The following SLC22A31 variants were observed in gnomAD, a reference collection of about 807,000 sequenced individuals.
The protein encoded by SLC22A31 is solute carrier family 22 member 31, also known as putative solute carrier family 22 member 31.
In SLC22A31, 42 loss-of-function variants were observed where a neutral mutation model predicts 27.4. That is an observed-to-expected ratio of 1.53 (90% CI 1.20 to 1.98). The LOEUF (loss-of-function observed/expected upper bound fraction) is 1.98, where lower values mean the gene tolerates loss of function less well. Ranked by LOEUF, SLC22A31 falls within the 30% of genes most tolerant of loss-of-function variation. The pLI is 0.00. For missense variants in SLC22A31, 593 were observed against 479.9 expected, an observed-to-expected ratio of 1.24 and a Z score of -2.20; for synonymous variants, 290 against 230.8, an observed-to-expected ratio of 1.26 and a Z score of -2.33.
At position 89,199,714 on chromosome 16, in the gene SLC22A31, G is replaced by A. The variant is rs901265738; in HGVS notation, c.127C>T (p.Arg43Trp). The A allele has an allele frequency of 1.7e-5, 7 of 405,310 alleles. No homozygotes were observed. The highest frequency in any genetic ancestry group is 1.2e-4 in the South Asian group (1 of 8,562). The allele number at this position is 405,310 out of a possible 1,614,324, so 25.1% of individuals were successfully genotyped here. ...GCAGGAAAAGGGAAGGGGCCTCACCGGTCACAGCCTGCTCCCAGGATGACA... is the reference window on the plus strand; with the variant it reads ...GCAGGAAAAGGGAAGGGGCCTCACCAGTCACAGCCTGCTCCCAGGATGACA... ...GCVILGAGCD[R>W]FGRRAVFVAS... Residue 43 changes from arginine (R) to tryptophan (W), a missense_variant and splice_region_variant, in exon 2 of 9, where the codon CGG becomes TGG. Physicochemically the swap from Arg to Trp is moderately radical, Grantham distance 101. Transcript: ENST00000682282.
rs375072998 is a variant in SLC22A31 at position 89,199,041 on chromosome 16, A to G, written c.434T>C (p.Leu145Pro). The G allele has an allele frequency of 1.2e-5, 19 of 1,535,592 alleles. No homozygotes were observed. In the African/African-American group the frequency reaches 2.5e-4, roughly 20 times the overall value. Residue 145 changes from leucine to proline, a missense_variant, in exon 4 of 9, where the codon CTC (leucine) becomes CCC (proline). Physicochemically the swap from Leu to Pro is moderately conservative, Grantham distance 98. Coordinates refer to ENST00000682282, the MANE Select transcript of SLC22A31 (RefSeq NM_001384763.1). ...CACTTACCCCCAAAAGAGCAGCAAGAGTCCACTCATCAGGGCACCCAGCCC... is the reference window on the plus strand; with the variant it reads ...CACTTACCCCCAAAAGAGCAGCAAGGGTCCACTCATCAGGGCACCCAGCCC... ...LQGLGALMSGLLLLFWGFPAL... is the reference protein window; with the variant it reads ...LQGLGALMSGPLLLFWGFPAL...
chr16:89,199,924 ATCCC>A, intron 1 of SLC22A31, 108 bp from the exon 2 acceptor site: 6 of 399,812 alleles, frequency 1.5e-5, no homozygotes, highest in Non-Finnish European at 2.2e-5. Context: ...GTCCTGCTCA[ATCCC>A]TCCGTGGAGA....
Position 89,198,698 on chromosome 16 carries a change from G to A in SLC22A31, c.552C>T (p.Gly184=), listed in dbSNP as rs1916233827. The stretch of plus-strand genomic sequence containing the variant: ...CCAAGGAACTGTCCCCGGGGCCCAC[G>A]CCACTGGCTTCTGCAAAGCGCCACA... ...KILWRFAEAS[G]VGPGDSSLEE... The change falls in exon 5 of 9, where the codon GGC becomes GGT. Residue 184 remains glycine, a synonymous_variant. Transcript: ENST00000682282. 9.1e-6 allele frequency: 14 copies of A among 1,535,736 alleles called. No homozygotes were observed. The highest frequency in any genetic ancestry group is 2.0e-5 in the Admixed American group (1 of 50,992).
chr16:89,196,246 A>G lies in SLC22A31; in HGVS notation c.1094T>C (p.Leu365Pro). 6.5e-7 allele frequency: 1 copy of G among 1,533,734 alleles called. No individual in the cohort carries two copies. Among genetic ancestry groups the G allele is most frequent in the Non-Finnish European group, 8.7e-7 (1 of 1,146,260 alleles). Reference sequence around the variant, plus strand: ...GCCCTGCCGGCCGTGCAGGGTGTCCAGGGGGCCGGCTGCCTGGCCCAGGAA... The same window carrying G: ...GCCCTGCCGGCCGTGCAGGGTGTCCGGGGGGCCGGCTGCCTGGCCCAGGAA... ...AGFLGQAAGP[L>P]DTLHGRQGFF... The change falls in exon 9 of 9, where the codon CTG becomes CCG. Residue 365 changes from leucine to proline, a missense_variant. Transcript: ENST00000682282.
At chr16:89,201,319 T>C (rs924320416), upstream of SLC22A31, 3 of 342,838 alleles carry the variant, frequency 8.8e-6, no homozygotes, top group African/African-American at 6.5e-5. Flanking sequence ...GCCAGCCGCG[T>C]GTGCAGGGCC....
Position 89,195,763 on chromosome 16 carries a change from C to T in SLC22A31, c.*236G>A, listed in dbSNP as rs1157656557. ...GAAGAACCAGGGAGGACGCCAAGTT[C>T]CACAGAAGCCTTTATCCTCCACACC... On this transcript the variant is annotated 3_prime_UTR_variant, in exon 9 of 9. Transcript: ENST00000682282. 8.7e-6 allele frequency: 4 copies of T among 459,748 alleles called. No homozygotes were observed. The highest frequency in any genetic ancestry group is 1.5e-5 in the Non-Finnish European group (4 of 264,964). The allele number at this position is 459,748 out of a possible 1,614,324, so 28.5% of individuals were successfully genotyped here.
At chr16:89,201,516 C>G, upstream of SLC22A31, 1 of 397,530 alleles carries the variant, frequency 2.5e-6, no homozygotes, top group Non-Finnish European at 4.4e-6. Flanking sequence ...GTCCGGTCGG[C>G]AGTGGGGCGC....
Position 89,198,445 on chromosome 16 carries a change from C to A in SLC22A31, c.704G>T (p.Ser235Ile). The change falls in exon 6 of 9, where the codon AGC becomes ATC. Residue 235 changes from serine to isoleucine, a missense_variant. Coordinates refer to ENST00000682282, the MANE Select transcript of SLC22A31 (RefSeq NM_001384763.1). ...TWRNGLILGFSSLVGGGIRAS... is the reference protein window; with the variant it reads ...TWRNGLILGFISLVGGGIRAS... The stretch of plus-strand genomic sequence containing the variant: ...CCCCAGCCCTTCCTCGACTCACGAG[C>A]TGAAGCCCAAGATAAGCCCGTTTCT... 1 of 1,517,656 alleles carries A rather than the reference C, an allele frequency of 6.6e-7. No homozygotes were observed. Among genetic ancestry groups the A allele is most frequent in the Non-Finnish European group, 8.8e-7 (1 of 1,136,600 alleles). 94.0% of individuals were successfully genotyped at this position (1,517,656 alleles called of 1,614,324 possible).
At position 89,195,949 on chromosome 16, in the gene SLC22A31, C is replaced by T. The variant is rs1384977737; in HGVS notation, c.*50G>A. ...GACGTCTGGGGTACTCAGCCATGCC[C>T]CAGGCCTTGACTTTGGTCCCATCCT... On this transcript the variant is annotated 3_prime_UTR_variant, in exon 9 of 9. Coordinates refer to ENST00000682282, the MANE Select transcript of SLC22A31 (RefSeq NM_001384763.1). The T allele has an allele frequency of 6.9e-7, 1 of 1,449,822 alleles. No individual in the cohort carries two copies. The highest frequency in any genetic ancestry group is 2.5e-5 in the East Asian group (1 of 40,014). 89.8% of individuals were successfully genotyped at this position (1,449,822 alleles called of 1,614,324 possible).
At position 89,196,135 on chromosome 16, in the gene SLC22A31, C is replaced by T. The variant is rs1915870213; in HGVS notation, c.1205G>A (p.Gly402Glu). 7 of 1,534,886 alleles carry T rather than the reference C, an allele frequency of 4.6e-6. No homozygotes were observed. The highest frequency in any genetic ancestry group is 6.1e-6 in the Non-Finnish European group (7 of 1,146,514). Reference protein sequence around the residue: ...VLLLPESRSRGLPQSLQDADR... With the variant: ...VLLLPESRSRELPQSLQDADR... ...GGCGTCCTGCAGTGACTGGGGCAGC[C>T]CCCGGCTTCGGCTCTCAGGCAGCAG... Residue 402 changes from glycine to glutamate, a missense_variant, in exon 9 of 9, where the codon GGG becomes GAG. Coordinates refer to ENST00000682282, the MANE Select transcript of SLC22A31 (RefSeq NM_001384763.1).
At chr16:89,201,622 C>T, upstream of SLC22A31, 1 of 398,368 alleles carries the variant, frequency 2.5e-6, no homozygotes. Context: ...CGGGCCCGGC[C>T]AAAGCCGCCC....
upstream of SLC22A31, among the ~76,000 whole-genome samples, chr16:89,200,577 G>A (rs1442578271): frequency 1.3e-5 from 2 of 152,208 alleles, no homozygotes; most frequent in Non-Finnish European, 2.9e-5. Context: ...GAAGCCCGGC[G>A]GGTTCCAGGG....
chr16:89,199,843 G>T (rs1286754212), intron 1 of SLC22A31, 27 bp from the exon 2 acceptor site: 1 of 402,010 alleles, frequency 2.5e-6, no homozygotes, highest in Non-Finnish European at 4.4e-6. Flanking sequence ...CCACGTGGAG[G>T]CCAGCTCAGG....
In SLC22A31 at chr16:89,195,828, G is replaced by A. The variant is rs1054988823; in HGVS notation, c.*171C>T. On this transcript the variant is annotated 3_prime_UTR_variant, in exon 9 of 9. Transcript: ENST00000682282. Reference sequence around the variant, plus strand: ...GGGGGGAGACCCAGGGCCTCCCAGTGCCTGGGGCCTGGCTGGAGACACCTT... The same window carrying A: ...GGGGGGAGACCCAGGGCCTCCCAGTACCTGGGGCCTGGCTGGAGACACCTT... The A allele has an allele frequency of 1.0e-5, 7 of 697,466 alleles. No homozygotes were observed. Among genetic ancestry groups the A allele is most frequent in the African/African-American group, 9.3e-5 (5 of 53,820 alleles). The allele number at this position is 697,466 out of a possible 1,614,324, so 43.2% of individuals were successfully genotyped here.
rs1012060661 is a variant in SLC22A31, at chr16:89,196,215, G to T, written c.1125C>A (p.Phe375Leu). The change falls in exon 9 of 9, where the codon TTC becomes TTA. Residue 375 changes from phenylalanine to leucine, a missense_variant. Coordinates refer to ENST00000682282, the MANE Select transcript of SLC22A31 (RefSeq NM_001384763.1). ...GGGAGGCGAAGACGACTTGTTGCAG[G>T]AAGAAGCCCTGCCGGCCGTGCAGGG... ...LDTLHGRQGFFLQQVVFASLA... is the reference protein window; with the variant it reads ...LDTLHGRQGFLLQQVVFASLA... 1.4e-5 allele frequency: 22 copies of T among 1,534,756 alleles called. 1 individual carries two copies. In the Admixed American group the frequency reaches 2.9e-4, roughly 21 times the overall value.
rs905725668 is a variant in SLC22A31 at position 89,198,580 on chromosome 16, G to A, written c.599-30C>T. 6.6e-6 allele frequency: 10 copies of A among 1,514,840 alleles called. No individual in the cohort carries two copies. In the Admixed American group the frequency reaches 1.0e-4, roughly 15 times the overall value. 93.8% of individuals were successfully genotyped at this position (1,514,840 alleles called of 1,614,324 possible). On this transcript the variant is annotated intron_variant, in intron 5 of 8. Transcript: ENST00000682282. ...AGCCGCAGAGATGTGAGGGGAGGGGGGTGAGGAGCTGTGCCTCTCCGAAGC... is the reference window on the plus strand; with the variant it reads ...AGCCGCAGAGATGTGAGGGGAGGGGAGTGAGGAGCTGTGCCTCTCCGAAGC...
At chr16:89,199,968 G>T in intron 1 of SLC22A31, 152 bp from the exon 2 acceptor site, 1 of 398,192 alleles carries the variant, frequency 2.5e-6, no homozygotes, top group East Asian at 3.6e-5. Flanking sequence ...GAGAGGGCAA[G>T]GGGCTTGGTC....
At position 89,197,325 on chromosome 16, in the gene SLC22A31, G is replaced by T. The variant is rs750483546; in HGVS notation, c.1007C>A (p.Ala336Glu). ...GATCACCGTGGGGAAGACCTCGGCC[G>T]CGAAGAGGCTGCTGAGTGCGGACAC... Reference protein sequence around the residue: ...RAVSALSSLFAAEVFPTVIRG... With the variant: ...RAVSALSSLFEAEVFPTVIRG... The change falls in exon 8 of 9, where the codon GCG (alanine) becomes GAG (glutamate). Residue 336 changes from alanine (A) to glutamate (E), a missense_variant. Physicochemically the swap from Ala to Glu is moderately radical, Grantham distance 107 (BLOSUM62 -1). Transcript: ENST00000682282. 6 of 1,535,636 alleles carry T rather than the reference G, an allele frequency of 3.9e-6. No homozygotes were observed. The Admixed American group carries it at 5.9e-5, about 15-fold the overall frequency.
At chr16:89,201,569 C>G, upstream of SLC22A31, 3 of 398,688 alleles carry the variant, frequency 7.5e-6, no homozygotes, top group Non-Finnish European at 1.3e-5. Flanking sequence ...GCACCAGCCC[C>G]AGCACTATGC....
Sources: gnomAD v4.1 joint callset for allele counts (sites outside exome capture counted in the v4.1 genomes callset) on GRCh38, gnomAD v4.1.1 for gene constraint, MANE v1.5 for transcripts, NCBI Gene and HGNC (gene_info 2026-07-23, HGNC 2026-07-21) for gene names.